The following PSMD3 variants were observed in gnomAD, a reference collection of about 807,000 sequenced individuals.
The protein encoded by PSMD3 is proteasome 26S subunit, non-ATPase 3.
Under a neutral mutation model 62.8 loss-of-function variants are expected in PSMD3, and 5 were observed. The ratio of observed to expected loss-of-function variants is 0.08; its 90% confidence interval spans 0.04 to 0.17. The LOEUF (loss-of-function observed/expected upper bound fraction) is 0.17, where lower values mean the gene tolerates loss of function less well. Among genes scored for constraint, PSMD3 ranks in the 10% least tolerant of loss-of-function variants. The pLI, the probability that PSMD3 is intolerant of heterozygous loss-of-function variation, is 1.00. For missense variants in PSMD3, 524 were observed against 713.6 expected (o/e 0.73, Z 3.03); for synonymous variants, 265 against 283.9 (o/e 0.93, Z 0.67).
rs1241620604 is a variant in PSMD3 at position 39,981,210 on chromosome 17, G to A, written c.220+20G>A. 3.9e-6 allele frequency: 6 copies of A among 1,549,222 alleles called. No homozygotes were observed. In the Admixed American group the frequency reaches 7.8e-5, roughly 20 times the overall value. On this transcript the variant is annotated intron_variant, in intron 1 of 11. Coordinates refer to ENST00000264639, the MANE Select transcript of PSMD3 (RefSeq NM_002809.4). ...TGGAGGGTACGGCAGCCCAGGCCGGGAACGTGCCGCGATCGCGGGTGACAG... is the reference window on the plus strand; with the variant it reads ...TGGAGGGTACGGCAGCCCAGGCCGGAAACGTGCCGCGATCGCGGGTGACAG...
chr17:39,984,451 C>T lies in PSMD3; in HGVS notation c.378C>T (p.Ala126=), dbSNP rs1980473559. The part of the protein sequence containing the change: ...AVQGFFTSNN[A]TRDFLLPFLE... ...AGGGCTTCTTCACTTCAAATAATGC[C>T]ACTCGAGACTTTTTGCTCCCCTTCC... is the stretch of plus-strand genomic sequence containing the variant. Residue 126 remains alanine, a synonymous_variant, in exon 2 of 12, where the codon GCC becomes GCT. Transcript: ENST00000264639. 1 of 1,612,570 alleles carries T rather than the reference C, an allele frequency of 6.2e-7. No homozygotes were observed. Among genetic ancestry groups the T allele is most frequent in the Non-Finnish European group, 8.5e-7 (1 of 1,179,338 alleles).
chr17:39,986,659 T>C lies in PSMD3; in HGVS notation c.496T>C (p.Tyr166His), dbSNP rs1004189305. The part of the protein sequence containing the change: ...STPLLPEVEA[Y>H]LQLLVVIFMM... Reference sequence around the variant, plus strand: ...ACCCCTCCTGCCTGAAGTGGAAGCCTATCTCCAACTCCTCGTGGTCATCTT... The same window carrying C: ...ACCCCTCCTGCCTGAAGTGGAAGCCCATCTCCAACTCCTCGTGGTCATCTT... Residue 166 changes from tyrosine (Y) to histidine (H), a missense_variant, in exon 3 of 12, where the codon TAT becomes CAT. By Grantham distance (83) the Tyr-to-His change is moderately conservative. Coordinates refer to ENST00000264639, the MANE Select transcript of PSMD3 (RefSeq NM_002809.4). The C allele has an allele frequency of 1.9e-6, 3 of 1,614,004 alleles. No individual in the cohort carries two copies. The African/African-American group carries it at 4.0e-5, about 22-fold the overall frequency.
intron 6 of PSMD3, among the ~76,000 whole-genome samples, chr17:39,992,018 C>G (rs1980665907): frequency 1.5e-5 from 1 of 65,818 alleles, no homozygotes; most frequent in Non-Finnish European, 3.8e-5. Context: ...GAGCAAGACT[C>G]TGTCTCAAAA....
rs1332032523 is a variant in PSMD3, at chr17:39,997,753, C to T, written c.*172C>T. The T allele has an allele frequency of 1.8e-5, 13 of 734,494 alleles. No homozygotes were observed. The East Asian group carries it at 3.0e-4, about 17-fold the overall frequency. 45.5% of individuals were successfully genotyped at this position (734,494 alleles called of 1,614,324 possible). ...CCTGACCTCCCCCAGGGCTCCTCCCCAGCCGGTGACTTACTGTACAGCAGG... is the reference window on the plus strand; with the variant it reads ...CCTGACCTCCCCCAGGGCTCCTCCCTAGCCGGTGACTTACTGTACAGCAGG... On this transcript the variant is annotated 3_prime_UTR_variant, in exon 12 of 12. Coordinates refer to ENST00000264639, the MANE Select transcript of PSMD3 (RefSeq NM_002809.4).
intron 6 of PSMD3, among the ~76,000 whole-genome samples, chr17:39,992,781 T>TGAC (rs764553375): frequency 2.6e-5 from 2 of 77,074 alleles, no homozygotes; most frequent in African/African-American, 5.9e-5. Flanking sequence ...CAGGCGGCCG[T>TGAC]TCCTGTCTCC....
Position 39,996,747 on chromosome 17 carries a change from G to C in PSMD3, c.1476+409G>C. 1 of 469,432 alleles carries C rather than the reference G, an allele frequency of 2.1e-6. No individual in the cohort carries two copies. The highest frequency in any genetic ancestry group is 6.7e-5 in the East Asian group (1 of 14,918). The allele number at this position is 469,432 out of a possible 1,614,324, so 29.1% of individuals were successfully genotyped here. ...TCCCTGTATTGAGGCACTTAGCGAA[G>C]TCTAAATTGTAAAAAAGATGGCGCT... On this transcript the variant is annotated intron_variant, in intron 10 of 11. Coordinates refer to ENST00000264639, the MANE Select transcript of PSMD3 (RefSeq NM_002809.4). The surrounding 1 kb of genome is among the most constrained non-coding windows in gnomAD (Gnocchi z 5.1).
At position 39,995,324 on chromosome 17, in the gene PSMD3, G is replaced by A. The variant is rs1372952681; in HGVS notation, c.1216+29G>A. 9 of 1,613,942 alleles carry A rather than the reference G, an allele frequency of 5.6e-6. No homozygotes were observed. In the Admixed American group the frequency reaches 1.5e-4, roughly 27 times the overall value. ...TGGATCAGGATCTGAGGGGCTGTTG[G>A]AGGAGCAGAAGCCAGGCCAGGGCAA... is the stretch of plus-strand genomic sequence containing the variant. On this transcript the variant is annotated intron_variant, in intron 8 of 11. Transcript: ENST00000264639. The surrounding 1 kb of genome is among the most constrained non-coding windows in gnomAD (Gnocchi z 4.1).
chr17:39,990,248 A>C, intron 6 of PSMD3, 51 bp downstream of exon 6: 1 of 1,070,910 alleles, frequency 9.3e-7, no homozygotes. Context: ...TTTTTTTTTT[A>C]AATGGTGTCT....
At position 39,983,129 on chromosome 17, in the gene PSMD3, T is replaced by G. The variant is rs182771145; in HGVS notation, c.221-1165T>G. ...CTCACTGCAACCTCTGCCTCCCAAGTTCAAGCGATTCTCCTGCCTCAGCTT... is the reference window on the plus strand; with the variant it reads ...CTCACTGCAACCTCTGCCTCCCAAGGTCAAGCGATTCTCCTGCCTCAGCTT... On this transcript the variant is annotated intron_variant, in intron 1 of 11. Coordinates refer to ENST00000264639, the MANE Select transcript of PSMD3 (RefSeq NM_002809.4). Among the ~76,000 whole-genome samples the G allele has an allele frequency of 5.9e-5, 9 of 151,996 alleles. No individual in the cohort carries two copies. In the East Asian group the frequency reaches 1.7e-3, roughly 29 times the overall value.
chr17:39,997,066 C>T lies in PSMD3; in HGVS notation c.1477-264C>T, dbSNP rs377167285. ...ATCCTCCACCGGGAAGGCCTCTCCC[C>T]GTTGCCACATCCACTGTGTTCCTCC... On this transcript the variant is annotated intron_variant, in intron 10 of 11. Transcript: ENST00000264639. 3.9e-5 allele frequency among the ~76,000 whole-genome samples: 6 copies of T among 152,200 alleles called. No individual in the cohort carries two copies. The East Asian group carries it at 5.8e-4, about 15-fold the overall frequency.
In PSMD3 at chr17:39,995,814, T is replaced by C; in HGVS notation, c.1320+287T>C. On this transcript the variant is annotated intron_variant, in intron 9 of 11. Transcript: ENST00000264639. The surrounding 1 kb of genome is among the most constrained non-coding windows in gnomAD (Gnocchi z 4.1). Reference sequence around the variant, plus strand: ...GAATGGGATGGAACAAGATGTTCTCTGACTTAGAAGATGGGCGTGCTGGGC... The same window carrying C: ...GAATGGGATGGAACAAGATGTTCTCCGACTTAGAAGATGGGCGTGCTGGGC... 2 of 507,274 alleles carry C rather than the reference T, an allele frequency of 3.9e-6. No individual in the cohort carries two copies. The highest frequency in any genetic ancestry group is 4.1e-5 in the South Asian group (2 of 49,226). 31.4% of individuals were successfully genotyped at this position (507,274 alleles called of 1,614,324 possible). A position where few individuals can be genotyped will look rare whatever the true frequency, so the allele number is the denominator to read the frequency against.
In PSMD3 at chr17:39,994,948, G is replaced by C. The variant is rs771022495; in HGVS notation, c.982-6G>C. 1.9e-6 allele frequency: 3 copies of C among 1,613,608 alleles called. No homozygotes were observed. In the African/African-American group the frequency reaches 4.0e-5, roughly 22 times the overall value. On this transcript the variant is annotated splice_region_variant and splice_polypyrimidine_tract_variant and intron_variant, in intron 6 of 11. Transcript: ENST00000264639. ...GCCCACTGTGTTCCCCTGTCACTCT[G>C]TCCAGGTGCACAAGCTTCTCATCGT...
At chr17:39,986,551 A>G (rs200554757) in intron 2 of PSMD3, 24 bp from the exon 3 acceptor site, 87 of 1,613,144 alleles carry the variant, frequency 5.4e-5, no homozygotes, top group Non-Finnish European at 7.3e-5. Flanking sequence ...GAGCTTTTCC[A>G]TGGTAACTTC....
intron 6 of PSMD3, among the ~76,000 whole-genome samples, chr17:39,990,825 A>G (rs1353140533): frequency 6.6e-6 from 1 of 152,208 alleles, no homozygotes. Context: ...TGGCCAAGGA[A>G]CCCAGAAAAT....
At chr17:39,987,657 G>C (rs1438315738) in intron 3 of PSMD3, among the ~76,000 whole-genome samples, 2 of 152,100 alleles carry the variant, frequency 1.3e-5, no homozygotes, top group African/African-American at 4.8e-5. Context: ...CCACTGTTTT[G>C]TTTTTACTGG....
chr17:39,984,933 G>A (rs751084256), intron 2 of PSMD3, among the ~76,000 whole-genome samples: 2 of 150,834 alleles, frequency 1.3e-5, no homozygotes, highest in Non-Finnish European at 3.0e-5. Flanking sequence ...GGGCACAGTG[G>A]CTAACATCGT....
At chr17:39,982,846 C>T (rs1235040666) in intron 1 of PSMD3, among the ~76,000 whole-genome samples, 1 of 152,160 alleles carries the variant, frequency 6.6e-6, no homozygotes, top group Non-Finnish European at 1.5e-5. Flanking sequence ...AGCTTTGAAG[C>T]AATCATCTTT....
intron 6 of PSMD3, among the ~76,000 whole-genome samples, chr17:39,992,024 C>CAAAAAAAAAAAGAAAAAAAAAAA (rs59894264): frequency 9.8e-6 from 1 of 102,070 alleles, no homozygotes; most frequent in African/African-American, 3.5e-5. Flanking sequence ...GACTCTGTCT[C>CAAAAAAAAAAAGAAAAAAAAAAA]AAAAAAAAAC....
intron 2 of PSMD3, 120 bp downstream of exon 2, chr17:39,984,604 A>G: frequency 2.1e-6 from 2 of 969,024 alleles, no homozygotes; most frequent in South Asian, 1.8e-5. Flanking sequence ...GAGAAGCCAA[A>G]GCAGTCCATT....
Sources: allele counts gnomAD v4.1 joint callset (sites outside exome capture counted in the v4.1 genomes callset), GRCh38; gene constraint gnomAD v4.1.1; non-coding constraint Gnocchi (gnomAD v3.1); transcripts MANE v1.5; gene names NCBI Gene and HGNC (gene_info 2026-07-23, HGNC 2026-07-21).